Variants in GUCY1A2 observed in about 807,000 individuals in gnomAD.
GUCY1A2 encodes guanylate cyclase 1 soluble subunit alpha 2.
A neutral mutation model predicts 63.5 loss-of-function variants in GUCY1A2; 27 were observed. That is an observed-to-expected ratio of 0.43 (90% CI 0.31 to 0.59). The LOEUF (loss-of-function observed/expected upper bound fraction) is 0.59. Among genes scored for constraint, GUCY1A2 ranks in the 20% least tolerant of loss-of-function variants. GUCY1A2 has a pLI of 0.11. For missense variants in GUCY1A2, 768 were observed against 913.3 expected (o/e 0.84, Z 2.05); for synonymous variants, 364 against 343.5 (o/e 1.06, Z -0.66).
intron 5 of GUCY1A2, among the ~76,000 whole-genome samples, chr11:106,783,233 C>T (rs1008758274): frequency 4.6e-5 from 7 of 152,148 alleles, no homozygotes; most frequent in Admixed American, 3.3e-4. Context: ...CTGGCTTAGA[C>T]AAAGTGATGG....
At chr11:106,832,617 T>C (rs1859066787) in intron 4 of GUCY1A2, among the ~76,000 whole-genome samples, 1 of 152,088 alleles carries the variant, frequency 6.6e-6, no homozygotes, top group Non-Finnish European at 1.5e-5. Flanking sequence ...CTTGCATAAG[T>C]GTGCATGTGT....
rs1245333255 is a variant in GUCY1A2 at position 106,684,107 on chromosome 11, T to C, written c.*3442A>G. 5.4e-6 allele frequency: 1 copy of C among 184,970 alleles called. No homozygotes were observed. The highest frequency in any genetic ancestry group is 1.1e-5 in the Non-Finnish European group (1 of 87,238). 11.5% of individuals were successfully genotyped at this position (184,970 alleles called of 1,614,324 possible). On this transcript the variant is annotated 3_prime_UTR_variant, in exon 8 of 8. Transcript: ENST00000526355. ...CCTGGAAAGACACACATATTCACAC[T>C]AAACTACTGTGTCCTGACACCGTTG... is the stretch of plus-strand genomic sequence containing the variant.
chr11:106,827,473 T>C (rs918279760), intron 4 of GUCY1A2: 17 of 1,453,022 alleles, frequency 1.2e-5, no homozygotes, highest in Non-Finnish European at 1.5e-5. Context: ...AAGCTGTTTC[T>C]GAAATTCCTG....
intron 4 of GUCY1A2, among the ~76,000 whole-genome samples, chr11:106,844,914 T>A (rs753353611): frequency 4.1e-4 from 62 of 151,854 alleles, no homozygotes; most frequent in African/African-American, 1.4e-3. Flanking sequence ...AAGGCATCAT[T>A]TTTCCAATTA....
At position 106,889,629 on chromosome 11, in the gene GUCY1A2, T is replaced by C. The variant is rs115911889; in HGVS notation, c.1206+49831A>G. Among the ~76,000 whole-genome samples, 427 of 152,350 alleles carry C rather than the reference T, an allele frequency of 2.8e-3. 1 individual carries two copies. The highest frequency in any genetic ancestry group is 9.7e-3 in the African/African-American group (402 of 41,600). On this transcript the variant is annotated intron_variant, in intron 4 of 7. Transcript: ENST00000526355. Reference sequence around the variant, plus strand: ...CAAGTGCTAAAACTTTTGGGTTTTTTCTTCATTTTGAAATCTCTTGAGATG... The same window carrying C: ...CAAGTGCTAAAACTTTTGGGTTTTTCCTTCATTTTGAAATCTCTTGAGATG...
intron 3 of GUCY1A2, among the ~76,000 whole-genome samples, chr11:106,944,675 A>C (rs985563801): frequency 6.6e-6 from 1 of 152,228 alleles, no homozygotes; most frequent in Non-Finnish European, 1.5e-5. Flanking sequence ...TTTATGTTTT[A>C]AAACATACAT....
intron 6 of GUCY1A2, among the ~76,000 whole-genome samples, chr11:106,722,656 T>C (rs1863335965): frequency 6.6e-6 from 1 of 152,102 alleles, no homozygotes; most frequent in African/African-American, 2.4e-5. Context: ...TGGTAGTATT[T>C]ATTTACGATT....
chr11:106,955,945 GAT>G (rs1435473976), intron 3 of GUCY1A2, among the ~76,000 whole-genome samples: 1 of 151,978 alleles, frequency 6.6e-6, no homozygotes, highest in East Asian at 1.9e-4. Flanking sequence ...ATCAATCGCA[GAT>G]TCTGTCCTTT....
rs1186848654 is a variant in GUCY1A2 at position 106,675,754 on chromosome 11, A to G, written c.*11795T>C. ...TTTTCTTAACAGTGAAAATCACAGG[A>G]AGAAAGTAATCAGTATTTTCATAGA... On this transcript the variant is annotated 3_prime_UTR_variant, in exon 8 of 8. Coordinates refer to ENST00000526355, the MANE Select transcript of GUCY1A2 (RefSeq NM_000855.3). 1.0e-5 allele frequency: 2 copies of G among 191,412 alleles called. No individual in the cohort carries two copies. Among genetic ancestry groups the G allele is most frequent in the Non-Finnish European group, 2.2e-5 (2 of 91,374 alleles). The allele number at this position is 191,412 out of a possible 1,614,324, so 11.9% of individuals were successfully genotyped here.
chr11:106,764,478 G>GTCTT (rs1443254551), intron 6 of GUCY1A2, among the ~76,000 whole-genome samples: 10 of 152,098 alleles, frequency 6.6e-5, no homozygotes, highest in African/African-American at 2.4e-4. Context: ...TAACCTTTCA[G>GTCTT]TCTTGGTTTT....
chr11:106,827,602 T>G (rs192422047), intron 4 of GUCY1A2: 2 of 1,493,056 alleles, frequency 1.3e-6, no homozygotes, highest in East Asian at 4.5e-5. Context: ...TCTGTTACAA[T>G]GCAGTGTTCT....
intron 4 of GUCY1A2, among the ~76,000 whole-genome samples, chr11:106,935,826 G>A (rs1860668024): frequency 6.8e-6 from 1 of 146,902 alleles, no homozygotes; most frequent in Non-Finnish European, 1.5e-5. Flanking sequence ...CAGCCTGGGT[G>A]AGACACAGCA....
In GUCY1A2 at chr11:106,978,641, A is replaced by C. The variant is rs201287190; in HGVS notation, c.465T>G (p.Leu155=). 4.5e-6 allele frequency: 7 copies of C among 1,539,780 alleles called. No homozygotes were observed. The highest frequency in any genetic ancestry group is 6.3e-6 in the Non-Finnish European group (7 of 1,113,170). Residue 155 remains leucine (L), a synonymous_variant, in exon 3 of 8, where the codon CTT becomes CTG. Transcript: ENST00000526355. ...KEEIEDVSGI[L]QCTANILGLK... ...TACCGAGTATATTAGCAGTACACTG[A>C]AGAATTCCTGAGACATCTTCAATTT...
chr11:106,707,265 T>C (rs1465755986), intron 7 of GUCY1A2, among the ~76,000 whole-genome samples: 1 of 152,134 alleles, frequency 6.6e-6, no homozygotes, highest in East Asian at 1.9e-4. Flanking sequence ...CTAAAAACTT[T>C]AAATTCCCTC....
intron 6 of GUCY1A2, among the ~76,000 whole-genome samples, chr11:106,734,616 C>G (rs1399346880): frequency 1.3e-5 from 2 of 152,026 alleles, no homozygotes; most frequent in African/African-American, 4.8e-5. Context: ...TCTAGTCACA[C>G]ATAAAAAGAA....
At chr11:106,843,846 T>C (rs909144440) in intron 4 of GUCY1A2, among the ~76,000 whole-genome samples, 1 of 151,866 alleles carries the variant, frequency 6.6e-6, no homozygotes, top group African/African-American at 2.4e-5. Flanking sequence ...TAATGTCACA[T>C]TACTTCGAAA....
At chr11:106,772,624 A>G (rs77231125) in intron 6 of GUCY1A2, among the ~76,000 whole-genome samples, 3,625 of 152,286 alleles carry the variant, frequency 0.024, 145 homozygotes, top group East Asian at 0.12. Flanking sequence ...ATTCATAAGA[A>G]AGAGCTAATA....
intron 7 of GUCY1A2, among the ~76,000 whole-genome samples, chr11:106,700,487 A>G (rs571951410): frequency 6.6e-6 from 1 of 152,226 alleles, no homozygotes; most frequent in African/African-American, 2.4e-5. Flanking sequence ...ATCTCATTCA[A>G]TTGTGCTAGA....
intron 4 of GUCY1A2, among the ~76,000 whole-genome samples, chr11:106,863,246 T>A (rs931519895): frequency 6.6e-6 from 1 of 152,164 alleles, no homozygotes; most frequent in Non-Finnish European, 1.5e-5. Flanking sequence ...TTGCCTAGGT[T>A]TTCTTCTATG....
Sources: allele counts gnomAD v4.1 joint callset (sites outside exome capture counted in the v4.1 genomes callset), GRCh38; gene constraint gnomAD v4.1.1; transcripts MANE v1.5; gene names NCBI Gene and HGNC (gene_info 2026-07-23, HGNC 2026-07-21).